The following COL22A1 variants were observed in gnomAD, a reference collection of about 807,000 sequenced individuals.
COL22A1 encodes the protein collagen type XXII alpha 1 chain.
A neutral mutation model predicts 248.9 loss-of-function variants in COL22A1; 221 were observed. The ratio of observed to expected loss-of-function variants is 0.89; its 90% CI spans 0.80 to 0.99. COL22A1 has a LOEUF of 0.99. COL22A1 is among the 50% of genes least tolerant of loss of function. COL22A1 has a pLI of 0.00. For synonymous variants in COL22A1, 891 were observed against 793.4 expected (o/e 1.12, Z -2.07); for missense variants, 2,240 against 2,179.0 (o/e 1.03, Z -0.56).
intron 3 of COL22A1, among the ~76,000 whole-genome samples, chr8:138,869,918 C>G (rs1369781753): frequency 6.6e-6 from 1 of 152,078 alleles, no homozygotes; most frequent in East Asian, 1.9e-4. Context: ...CATACATGTT[C>G]CCAGATGTGT....
At chr8:138,652,734 G>GTTTTTTTTTT (rs1564146836) in intron 45 of COL22A1, among the ~76,000 whole-genome samples, 5 of 45,876 alleles carry the variant, frequency 1.1e-4, no homozygotes, top group Admixed American at 2.6e-4. Context: ...TTCCTTTTCT[G>GTTTTTTTTTT]GTTTTTTTTT....
chr8:138,762,892 C>G (rs1833609174), intron 16 of COL22A1, among the ~76,000 whole-genome samples: 1 of 152,204 alleles, frequency 6.6e-6, no homozygotes, highest in African/African-American at 2.4e-5. Flanking sequence ...CCCCAGCACT[C>G]AACATAGACT....
intron 51 of COL22A1, among the ~76,000 whole-genome samples, chr8:138,624,573 CTT>C (rs1820091072): frequency 6.6e-6 from 1 of 152,212 alleles, no homozygotes; most frequent in Non-Finnish European, 1.5e-5. Flanking sequence ...TACTCTAGAA[CTT>C]TGATAACGGG....
At chr8:138,860,133 T>C (rs750486752) in intron 3 of COL22A1, among the ~76,000 whole-genome samples, 2 of 152,116 alleles carry the variant, frequency 1.3e-5, no homozygotes, top group Admixed American at 1.3e-4. Flanking sequence ...CCTGTCCCTC[T>C]AGGTTTCTGC....
chr8:138,623,811 T>A (rs1820026320), intron 51 of COL22A1, 26 bp from the exon 52 acceptor site: 2 of 1,607,708 alleles, frequency 1.2e-6, no homozygotes, highest in African/African-American at 2.7e-5. Context: ...AAATTGGTTA[T>A]CAGGTCAAAG....
At chr8:138,912,566 C>T (rs1284407758) in intron 1 of COL22A1, among the ~76,000 whole-genome samples, 2 of 152,134 alleles carry the variant, frequency 1.3e-5, no homozygotes. Flanking sequence ...CATGGAGAAA[C>T]CGCATCTCTA....
intron 50 of COL22A1, among the ~76,000 whole-genome samples, chr8:138,628,801 T>C (rs1057397759): frequency 1.4e-5 from 2 of 147,728 alleles, no homozygotes; most frequent in African/African-American, 2.6e-5. Flanking sequence ...AGTCTCACTC[T>C]GTTGCCCAGG....
At chr8:138,618,501 C>T (rs1400513023) in intron 53 of COL22A1, among the ~76,000 whole-genome samples, 2 of 152,194 alleles carry the variant, frequency 1.3e-5, no homozygotes, top group Non-Finnish European at 2.9e-5. Flanking sequence ...AAATTGATCA[C>T]TAGCTCAGTG....
chr8:138,888,785 C>T (rs926983532), intron 1 of COL22A1, among the ~76,000 whole-genome samples: 1 of 152,180 alleles, frequency 6.6e-6, no homozygotes, highest in Non-Finnish European at 1.5e-5. Flanking sequence ...TCGCCCAGCC[C>T]TCTCATGCTT....
At chr8:138,797,409 C>T (rs1199683952) in intron 11 of COL22A1, among the ~76,000 whole-genome samples, 1 of 152,074 alleles carries the variant, frequency 6.6e-6, no homozygotes, top group Non-Finnish European at 1.5e-5. Context: ...AAGGTTAATC[C>T]ATGTCAGACC....
chr8:138,866,377 T>G (rs547785171), intron 3 of COL22A1, among the ~76,000 whole-genome samples: 1 of 152,148 alleles, frequency 6.6e-6, no homozygotes, highest in Non-Finnish European at 1.5e-5. Context: ...TAAATGCACA[T>G]TTATATAGAG....
At position 138,813,001 on chromosome 8, in the gene COL22A1, C is replaced by G; in HGVS notation, c.1264G>C (p.Val422Leu). 6.2e-7 allele frequency: 1 copy of G among 1,614,014 alleles called. No individual in the cohort carries two copies. Among genetic ancestry groups the G allele is most frequent in the South Asian group, 1.1e-5 (1 of 91,078 alleles). ...VPIDFDLQRI[V>L]IYCDSRHAEL... ...GCGTGTCTCGAGTCACAATAGATCA[C>G]AATCCGCTGTAGGTCAAACTGGAAA... Residue 422 changes from valine (V) to leucine (L), a missense_variant, in exon 8 of 65, where the codon GTG becomes CTG. Val to Leu is a conservative substitution (Grantham distance 32, BLOSUM62 1). Coordinates refer to ENST00000303045, the MANE Select transcript of COL22A1 (RefSeq NM_152888.3).
At chr8:138,791,570 T>C (rs16909635) in intron 12 of COL22A1, among the ~76,000 whole-genome samples, 9,193 of 152,228 alleles carry the variant, frequency 0.06, 756 homozygotes, top group African/African-American at 0.18. Context: ...ATTTGGTAAT[T>C]AGCTTCTTAT....
At chr8:138,755,378 G>T in intron 20 of COL22A1, 104 bp downstream of exon 20, 1 of 1,347,500 alleles carries the variant, frequency 7.4e-7, no homozygotes, top group Non-Finnish European at 1.1e-6. Flanking sequence ...GGCAACTGAA[G>T]TCTGAAAGGC....
chr8:138,589,180 C>A lies in COL22A1; in HGVS notation c.*73G>T. The A allele has an allele frequency of 7.1e-7, 1 of 1,415,744 alleles. No individual in the cohort carries two copies. Among genetic ancestry groups the A allele is most frequent in the Non-Finnish European group, 9.8e-7 (1 of 1,021,706 alleles). The allele number at this position is 1,415,744 out of a possible 1,614,324, so 87.7% of individuals were successfully genotyped here. ...AACACATGGCTGAAGTCTTTCAAGACCTCTGGCTTCCCACTGGGCTCTGAG... is the reference window on the plus strand; with the variant it reads ...AACACATGGCTGAAGTCTTTCAAGAACTCTGGCTTCCCACTGGGCTCTGAG... On this transcript the variant is annotated 3_prime_UTR_variant, in exon 65 of 65. Coordinates refer to ENST00000303045, the MANE Select transcript of COL22A1 (RefSeq NM_152888.3).
chr8:138,850,780 C>G (rs567421936), intron 3 of COL22A1, among the ~76,000 whole-genome samples: 5 of 152,346 alleles, frequency 3.3e-5, no homozygotes, highest in East Asian at 3.9e-4. Flanking sequence ...CCCTGTGTGT[C>G]TGTTTCCAAA....
rs188106742 is a variant in COL22A1, at chr8:138,772,794, T to G, written c.1803+3172A>C. On this transcript the variant is annotated intron_variant, in intron 16 of 64. Transcript: ENST00000303045. ...AGGAGAATTGCTTGGACCCGGGAGG[T>G]GGAGGTTGCAGTGAGCCGAGATCGC... 9.0e-3 allele frequency among the ~76,000 whole-genome samples: 1,372 copies of G among 151,792 alleles called. 17 individuals are homozygous for G. Among genetic ancestry groups the G allele is most frequent in the African/African-American group, 0.032 (1,315 of 41,384 alleles).
intron 52 of COL22A1, 48 bp from the exon 53 acceptor site, chr8:138,619,556 T>A: frequency 1.3e-6 from 2 of 1,555,492 alleles, no homozygotes; most frequent in Non-Finnish European, 1.8e-6. Context: ...ATTGTAAGAA[T>A]CTTCCTATTC....
intron 12 of COL22A1, among the ~76,000 whole-genome samples, chr8:138,785,724 G>T (rs1159919826): frequency 1.3e-5 from 2 of 152,134 alleles, no homozygotes; most frequent in Non-Finnish European, 2.9e-5. Context: ...TAGCGTTGTT[G>T]GTTCTTTCAA....
Sources: gnomAD v4.1 joint callset for allele counts (sites outside exome capture counted in the v4.1 genomes callset) on GRCh38, gnomAD v4.1.1 for gene constraint, MANE v1.5 for transcripts, NCBI Gene and HGNC (gene_info 2026-07-23, HGNC 2026-07-21) for gene names.